ACOT12: variants seen among roughly 807,000 people sequenced by gnomAD.
ACOT12 encodes the protein acetyl-coenzyme A thioesterase.
Under a neutral mutation model 67.7 loss-of-function variants are expected in ACOT12, and 51 were observed. That is an observed-to-expected ratio of 0.75 (90% CI 0.60 to 0.95). The LOEUF (loss-of-function observed/expected upper bound fraction) is 0.95. ACOT12 is among the 40% of genes least tolerant of loss of function. The probability of loss-of-function intolerance (pLI) is 0.00; values close to 1 mark genes in which losing one functional copy is unlikely to be tolerated. For missense variants in ACOT12, 734 were observed against 708.1 expected (o/e 1.04, Z -0.41); for synonymous variants, 251 against 244.6 (o/e 1.03, Z -0.24).
chr5:81,341,591 G>T, intron 11 of ACOT12, among the ~76,000 whole-genome samples: 1 of 152,194 alleles, frequency 6.6e-6, no homozygotes, highest in East Asian at 1.9e-4. Context: ...AAATATGAAT[G>T]TAGCCAAAGT....
chr5:81,388,909 T>G lies in ACOT12; in HGVS notation c.128-3083A>C, dbSNP rs114501541. Reference sequence around the variant, plus strand: ...GAAACCCCTTGTGCTTGGTTCTCATTTTCTCTCCTGCCACCGCCATATAAG... The same window carrying G: ...GAAACCCCTTGTGCTTGGTTCTCATGTTCTCTCCTGCCACCGCCATATAAG... On this transcript the variant is annotated intron_variant, in intron 1 of 14. Transcript: ENST00000307624. Among the ~76,000 whole-genome samples, 544 of 152,258 alleles carry G rather than the reference T, an allele frequency of 3.6e-3. 5 individuals carry two copies. Among genetic ancestry groups the G allele is most frequent in the African/African-American group, 0.013 (529 of 41,550 alleles).
chr5:81,390,453 A>T (rs1322849768), intron 1 of ACOT12, among the ~76,000 whole-genome samples: 1 of 151,150 alleles, frequency 6.6e-6, no homozygotes, highest in Admixed American at 6.6e-5. Context: ...AATAGTTTCT[A>T]TTACTCTGCA....
intron 10 of ACOT12, 96 bp from the exon 11 acceptor site, chr5:81,342,851 G>T: frequency 8.0e-7 from 1 of 1,249,848 alleles, no homozygotes; most frequent in Non-Finnish European, 1.2e-6. Context: ...TGTTGGAGGA[G>T]GTATGTGTTG....
the ACOT12 span, chr5:81,309,048 G>A: frequency 4.4e-6 from 7 of 1,579,870 alleles, no homozygotes; most frequent in Non-Finnish European, 5.2e-6. Context: ...GGTAAGTACT[G>A]TTACCCTCAT....
the ACOT12 span, among the ~76,000 whole-genome samples, chr5:81,314,946 G>A: frequency 2.0e-5 from 3 of 152,092 alleles, no homozygotes; most frequent in Non-Finnish European, 4.4e-5. Flanking sequence ...TGAGTTGCTG[G>A]GATTACAATA....
At chr5:81,340,900 T>G (rs188293321) in intron 11 of ACOT12, among the ~76,000 whole-genome samples, 104 of 152,362 alleles carry the variant, frequency 6.8e-4, no homozygotes, top group African/African-American at 2.3e-3. Flanking sequence ...GAATATTACT[T>G]TATACAATAT....
rs534978861 is a variant in ACOT12, at chr5:81,370,093, C to T, written c.258+1657G>A. 1.3e-3 allele frequency among the ~76,000 whole-genome samples: 191 copies of T among 152,206 alleles called. 1 individual carries two copies. Among genetic ancestry groups the T allele is most frequent in the Non-Finnish European group, 1.6e-3 (106 of 68,002 alleles). On this transcript the variant is annotated intron_variant, in intron 3 of 14. Coordinates refer to ENST00000307624, the MANE Select transcript of ACOT12 (RefSeq NM_130767.3). The stretch of plus-strand genomic sequence containing the variant: ...GTCAGAAGATTGAGATCATCCTGGC[C>T]AACATGGTGAAACCCCATCTCTACT...
downstream of ACOT12, among the ~76,000 whole-genome samples, chr5:81,328,547 G>A (rs1242023707): frequency 1.3e-5 from 2 of 152,050 alleles, no homozygotes; most frequent in Non-Finnish European, 2.9e-5. Context: ...TCAAACTTTT[G>A]GAAATGCCCT....
At chr5:81,378,607 G>A (rs778291285) in intron 2 of ACOT12, among the ~76,000 whole-genome samples, 2 of 151,858 alleles carry the variant, frequency 1.3e-5, no homozygotes, top group Non-Finnish European at 2.9e-5. Context: ...GGCTAATATC[G>A]AGAATCTACA....
At chr5:81,362,577 A>C (rs1759949569) in intron 4 of ACOT12, among the ~76,000 whole-genome samples, 1 of 152,140 alleles carries the variant, frequency 6.6e-6, no homozygotes, top group Non-Finnish European at 1.5e-5. Context: ...ATGGGATTGC[A>C]AGGTGTATTC....
At chr5:81,322,706 TACTC>T in the ACOT12 span, among the ~76,000 whole-genome samples, 1 of 152,256 alleles carries the variant, frequency 6.6e-6, no homozygotes, top group Non-Finnish European at 1.5e-5. Flanking sequence ...GAGGTTTAAT[TACTC>T]ACAGTTCTGC....
intron 5 of ACOT12, among the ~76,000 whole-genome samples, chr5:81,351,305 C>T (rs74941849): frequency 0.013 from 1,913 of 152,264 alleles, 33 homozygotes; most frequent in South Asian, 0.021. Flanking sequence ...ACTCAAATGG[C>T]ACATTTTTTG....
chr5:81,356,330 C>G (rs1292538055), intron 5 of ACOT12, among the ~76,000 whole-genome samples: 2 of 152,114 alleles, frequency 1.3e-5, no homozygotes, highest in Non-Finnish European at 2.9e-5. Flanking sequence ...AACTCTGCTG[C>G]CTTGGCGTGT....
At chr5:81,381,726 G>T (rs906118244) in intron 2 of ACOT12, among the ~76,000 whole-genome samples, 2 of 152,108 alleles carry the variant, frequency 1.3e-5, no homozygotes, top group Non-Finnish European at 2.9e-5. Flanking sequence ...AAATGGGTCT[G>T]TTTTCCAGAT....
chr5:81,387,895 TA>T (rs984689980), intron 1 of ACOT12, among the ~76,000 whole-genome samples: 1 of 152,098 alleles, frequency 6.6e-6, no homozygotes, highest in Non-Finnish European at 1.5e-5. Flanking sequence ...CAGTAACCAG[TA>T]AAAAAATTAA....
intron 13 of ACOT12, among the ~76,000 whole-genome samples, chr5:81,331,219 T>A (rs1382366037): frequency 6.6e-6 from 1 of 152,180 alleles, no homozygotes; most frequent in Non-Finnish European, 1.5e-5. Flanking sequence ...GACAGGGTTG[T>A]AATTTCAGCC....
chr5:81,389,446 G>C (rs1375202935), intron 1 of ACOT12, among the ~76,000 whole-genome samples: 1 of 152,214 alleles, frequency 6.6e-6, no homozygotes, highest in Non-Finnish European at 1.5e-5. Flanking sequence ...CGGTGTTTCA[G>C]TCTGGCTGCA....
At position 81,345,867 on chromosome 5, in the gene ACOT12, C is replaced by T. The variant is rs1323425988; in HGVS notation, c.773+18G>A. The T allele has an allele frequency of 1.2e-6, 2 of 1,613,128 alleles. No individual in the cohort carries two copies. The highest frequency in any genetic ancestry group is 8.5e-7 in the Non-Finnish European group (1 of 1,179,488). On this transcript the variant is annotated intron_variant, in intron 7 of 14. Coordinates refer to ENST00000307624, the MANE Select transcript of ACOT12 (RefSeq NM_130767.3). Reference sequence around the variant, plus strand: ...GCAAGTTTAAATTTCTTCATAGCAGCCTAAGGGCTCACTTTACCAGGTCTG... The same window carrying T: ...GCAAGTTTAAATTTCTTCATAGCAGTCTAAGGGCTCACTTTACCAGGTCTG...
At position 81,393,928 on chromosome 5, in the gene ACOT12, G is replaced by T; in HGVS notation, c.127+60C>A. 3.1e-6 allele frequency: 4 copies of T among 1,272,646 alleles called. No homozygotes were observed. In the South Asian group the frequency reaches 1.0e-4, roughly 33 times the overall value. The allele number at this position is 1,272,646 out of a possible 1,614,324, so 78.8% of individuals were successfully genotyped here. On this transcript the variant is annotated intron_variant, in intron 1 of 14. Transcript: ENST00000307624. Reference sequence around the variant, plus strand: ...GCCTTCCTACCCCCCCCAGCCCCCAGCCGCCGCCGCTCCCGCAGCCCCGGT... The same window carrying T: ...GCCTTCCTACCCCCCCCAGCCCCCATCCGCCGCCGCTCCCGCAGCCCCGGT...
Sources: allele counts gnomAD v4.1 joint callset (sites outside exome capture counted in the v4.1 genomes callset), GRCh38; gene constraint gnomAD v4.1.1; transcripts MANE v1.5; gene names NCBI Gene and HGNC (gene_info 2026-07-23, HGNC 2026-07-21).